NRXN3: variants seen among roughly 807,000 people sequenced by gnomAD.
The protein encoded by NRXN3 is neurexin III.
NRXN3 carries 32 observed loss-of-function variants against 137.6 expected under a neutral mutation model. The ratio of observed to expected loss-of-function variants is 0.23; its 90% CI spans 0.18 to 0.31. The LOEUF (loss-of-function observed/expected upper bound fraction) is 0.31. Among genes scored for constraint, NRXN3 ranks in the 10% least tolerant of loss-of-function variants. The pLI, the probability that NRXN3 is intolerant of heterozygous loss-of-function variation, is 1.00. For synonymous variants in NRXN3, 798 were observed against 784.5 expected (o/e 1.02, Z -0.29); for missense variants, 1,574 against 2,062.5 (o/e 0.76, Z 4.59).
At chr14:79,199,159 C>T (rs1172629788) in intron 15 of NRXN3, among the ~76,000 whole-genome samples, 2 of 108,142 alleles carry the variant, frequency 1.8e-5, no homozygotes, top group Admixed American at 1.1e-4. Context: ...AGTGAGACTG[C>T]GTCTAAAAAA....
At chr14:79,684,641 G>A (rs945460472) in intron 17 of NRXN3, among the ~76,000 whole-genome samples, 1 of 152,110 alleles carries the variant, frequency 6.6e-6, no homozygotes, top group African/African-American at 2.4e-5. Context: ...CAGCGGAATT[G>A]TCCTCCCAAA....
chr14:78,860,567 T>C (rs1437852489), intron 10 of NRXN3, among the ~76,000 whole-genome samples: 1 of 152,178 alleles, frequency 6.6e-6, no homozygotes, highest in African/African-American at 2.4e-5. Flanking sequence ...TCACTTTAGG[T>C]TATGACAACT....
intron 15 of NRXN3, among the ~76,000 whole-genome samples, chr14:79,271,141 G>T (rs1464343309): frequency 1.3e-5 from 2 of 152,160 alleles, no homozygotes; most frequent in African/African-American, 4.8e-5. Flanking sequence ...GTTTGAACTA[G>T]GATGTTCCCA....
intron 19 of NRXN3, among the ~76,000 whole-genome samples, chr14:79,799,650 T>G (rs1231283509): frequency 6.6e-6 from 1 of 152,186 alleles, no homozygotes; most frequent in Non-Finnish European, 1.5e-5. Context: ...TTGCAAATAC[T>G]ATTTCACCTG....
chr14:79,397,821 G>T (rs965836418), intron 15 of NRXN3, among the ~76,000 whole-genome samples: 1 of 152,150 alleles, frequency 6.6e-6, no homozygotes, highest in African/African-American at 2.4e-5. Flanking sequence ...TTGACAATAG[G>T]CAGAAAATCC....
At chr14:78,283,193 TA>T (rs1435159612) in intron 3 of NRXN3, 2 of 152,194 alleles carry the variant, frequency 1.3e-5, no homozygotes, top group Admixed American at 1.3e-4. Context: ...ACTGACCACT[TA>T]GTCTGCGCTG....
chr14:78,507,209 C>T (rs888966509), intron 4 of NRXN3, among the ~76,000 whole-genome samples: 2 of 152,262 alleles, frequency 1.3e-5, no homozygotes, highest in South Asian at 2.1e-4. Flanking sequence ...GTCCTCAAAA[C>T]GAATCCATGG....
At chr14:79,308,037 T>C (rs531218052) in intron 15 of NRXN3, among the ~76,000 whole-genome samples, 1 of 152,194 alleles carries the variant, frequency 6.6e-6, no homozygotes, top group South Asian at 2.1e-4. Context: ...CTTTCTTCTG[T>C]CTCTGTGTCC....
In NRXN3 at chr14:79,358,605, A is replaced by G. The variant is rs139417043; in HGVS notation, c.3263-108616A>G. On this transcript the variant is annotated intron_variant, in intron 15 of 20. Coordinates refer to ENST00000335750, the MANE Select transcript of NRXN3 (RefSeq NM_001330195.2). ...AAAGAGAGAAAGAAAGAAAGAAAGAAAGAGAAAGAAAGAAAGAAAGAAAGA... is the reference window on the plus strand; with the variant it reads ...AAAGAGAGAAAGAAAGAAAGAAAGAGAGAGAAAGAAAGAAAGAAAGAAAGA... 6.0e-3 allele frequency among the ~76,000 whole-genome samples: 161 copies of G among 26,824 alleles called. 1 individual carries two copies. The highest frequency in any genetic ancestry group is 0.01 in the African/African-American group (104 of 10,078). The allele number at this position is 26,824 out of a possible 152,430, so 17.6% of individuals were successfully genotyped here.
At chr14:78,769,467 A>G (rs1244363344) in intron 8 of NRXN3, among the ~76,000 whole-genome samples, 5 of 152,212 alleles carry the variant, frequency 3.3e-5, no homozygotes, top group African/African-American at 1.2e-4. Flanking sequence ...CACAACAGTA[A>G]CTAATTGACT....
At chr14:78,606,398 C>G (rs943905849) in intron 4 of NRXN3, among the ~76,000 whole-genome samples, 1 of 152,122 alleles carries the variant, frequency 6.6e-6, no homozygotes, top group African/African-American at 2.4e-5. Context: ...CTGTCTTTCC[C>G]CCTAACCAAC....
intron 10 of NRXN3, among the ~76,000 whole-genome samples, chr14:78,888,693 T>C (rs1359267156): frequency 6.6e-6 from 1 of 152,038 alleles, no homozygotes; most frequent in Non-Finnish European, 1.5e-5. Flanking sequence ...TCTTCCCTTT[T>C]GTGAAGAAAA....
At chr14:78,852,827 TG>T (rs970602847) in intron 10 of NRXN3, among the ~76,000 whole-genome samples, 1 of 151,982 alleles carries the variant, frequency 6.6e-6, no homozygotes, top group African/African-American at 2.4e-5. Flanking sequence ...AAAGATTAAG[TG>T]GAATCATGTA....
intron 15 of NRXN3, among the ~76,000 whole-genome samples, chr14:79,344,677 T>C (rs559314001): frequency 7.2e-5 from 11 of 152,174 alleles, no homozygotes; most frequent in Non-Finnish European, 1.3e-4. Flanking sequence ...AGAAACAGAT[T>C]CAGATTTAAA....
chr14:79,462,650 TAC>T (rs139095570), intron 15 of NRXN3, among the ~76,000 whole-genome samples: 2 of 150,952 alleles, frequency 1.3e-5, no homozygotes, highest in East Asian at 1.9e-4. Flanking sequence ...CATATATATA[TAC>T]ACACACACAC....
chr14:79,844,560 C>T lies in NRXN3; in HGVS notation c.4094-16782C>T, dbSNP rs976095671. 2.0e-5 allele frequency among the ~76,000 whole-genome samples: 3 copies of T among 152,098 alleles called. No individual in the cohort carries two copies. In the South Asian group the frequency reaches 6.2e-4, roughly 32 times the overall value. ...CTCCTTGTATATCTCCATCAGAGCT[C>T]TTGGATGACCAGGTGCACTGTCAAT... On this transcript the variant is annotated intron_variant, in intron 20 of 20. Transcript: ENST00000335750.
chr14:78,582,648 G>A (rs1008001263), intron 4 of NRXN3, among the ~76,000 whole-genome samples: 6 of 152,170 alleles, frequency 3.9e-5, no homozygotes, highest in Non-Finnish European at 7.4e-5. Context: ...GACATAGCAT[G>A]AAGGCCCTTG....
intron 4 of NRXN3, among the ~76,000 whole-genome samples, chr14:78,342,657 TG>T (rs2082266645): frequency 6.6e-6 from 1 of 152,182 alleles, no homozygotes; most frequent in African/African-American, 2.4e-5. Flanking sequence ...GCTAATACAT[TG>T]GTGTTCAAAT....
At chr14:79,660,035 T>TA (rs2098525865) in intron 16 of NRXN3, among the ~76,000 whole-genome samples, 1 of 152,160 alleles carries the variant, frequency 6.6e-6, no homozygotes, top group Non-Finnish European at 1.5e-5. Context: ...ATCCTGTCCT[T>TA]ATAGTGTATT....
Sources: allele counts gnomAD v4.1 joint callset (sites outside exome capture counted in the v4.1 genomes callset), GRCh38; gene constraint gnomAD v4.1.1; transcripts MANE v1.5; gene names NCBI Gene and HGNC (gene_info 2026-07-23, HGNC 2026-07-21).